Variants in DMD observed in about 807,000 individuals in gnomAD.
DMD encodes mutant dystrophin.
DMD carries 63 observed loss-of-function variants against 330.1 expected under a neutral mutation model. That is an observed-to-expected ratio of 0.19 (90% CI 0.16 to 0.24). The LOEUF is 0.24. DMD is among the 10% of genes least tolerant of loss of function. DMD has a pLI of 1.00. For missense variants in DMD, 3,344 were observed against 2,684.1 expected, an observed-to-expected ratio of 1.25 and a Z score of -5.43; for synonymous variants, 1,223 against 959.8, an observed-to-expected ratio of 1.27 and a Z score of -5.07.
intron 56 of DMD, among the ~76,000 whole-genome samples, chrX:31,506,991 A>C (rs1436648525): frequency 8.9e-6 from 1 of 111,854 alleles, no homozygotes; most frequent in East Asian, 2.8e-4. Context: ...CCAAGAGAGA[A>C]ATTTATGAAA....
intron 47 of DMD, among the ~76,000 whole-genome samples, chrX:31,913,979 T>C (rs1389065787): frequency 8.9e-6 from 1 of 112,369 alleles, no homozygotes; most frequent in East Asian, 2.8e-4. Flanking sequence ...CGTTTTATGC[T>C]CTCTTGCTTT....
intron 44 of DMD, among the ~76,000 whole-genome samples, chrX:32,051,503 T>G (rs941918937): frequency 9.1e-6 from 1 of 110,004 alleles, no homozygotes; most frequent in Non-Finnish European, 1.9e-5. Flanking sequence ...GCCTACTTTT[T>G]ATGATGTTAA....
intron 7 of DMD, among the ~76,000 whole-genome samples, chrX:32,764,646 C>T (rs967535812): frequency 8.9e-6 from 1 of 112,063 alleles, no homozygotes; most frequent in East Asian, 2.8e-4. Context: ...GAATAATATT[C>T]TACTGTATAC....
chrX:32,709,556 C>T (rs1289984241), intron 7 of DMD, among the ~76,000 whole-genome samples: 1 of 111,754 alleles, frequency 8.9e-6, no homozygotes, highest in Non-Finnish European at 1.9e-5. Context: ...ATCCCTCTTT[C>T]TCTTTCACAC....
intron 1 of DMD, among the ~76,000 whole-genome samples, chrX:33,320,013 A>T (rs1406045609): frequency 2.7e-5 from 3 of 111,905 alleles, no homozygotes; most frequent in African/African-American, 9.7e-5. Flanking sequence ...ATGGAATTTA[A>T]AAATATCCAA....
intron 2 of DMD, among the ~76,000 whole-genome samples, chrX:32,922,173 T>A (rs2146581821): frequency 9.5e-6 from 1 of 105,431 alleles, no homozygotes; most frequent in East Asian, 2.9e-4. Context: ...AGCCCTGACA[T>A]GATTTTTTTT....
chrX:32,888,463 T>C (rs1173352098), intron 2 of DMD, among the ~76,000 whole-genome samples: 1 of 111,450 alleles, frequency 9.0e-6, no homozygotes, highest in Non-Finnish European at 1.9e-5. Context: ...CAATATGCTA[T>C]CACCCCACAC....
Position 32,196,974 on chromosome X carries a change from G to A in DMD, c.6438+19942C>T, listed in dbSNP as rs111498422. 4.7e-3 allele frequency among the ~76,000 whole-genome samples: 308 copies of A among 65,811 alleles called. 2 individuals are homozygous for A. Among genetic ancestry groups the A allele is most frequent in the African/African-American group, 0.02 (298 of 14,870 alleles). 57.1% of individuals were successfully genotyped at this position (65,811 alleles called of 115,157 possible). A position where few individuals can be genotyped will look rare whatever the true frequency, so the allele number is the denominator to read the frequency against. On this transcript the variant is annotated intron_variant, in intron 44 of 78. Transcript: ENST00000357033. ...GTACTCCAGCCTGGGGTGACAGAGCGAGACTCCATCTCAAAAAAAAAAAAA... is the reference window on the plus strand; with the variant it reads ...GTACTCCAGCCTGGGGTGACAGAGCAAGACTCCATCTCAAAAAAAAAAAAA...
chrX:31,626,275 G>T (rs372704948), intron 55 of DMD, among the ~76,000 whole-genome samples: 1 of 111,612 alleles, frequency 9.0e-6, no homozygotes, highest in Non-Finnish European at 1.9e-5. Flanking sequence ...ATGAGCCACC[G>T]CATCTGGCCG....
chrX:31,856,685 T>C (rs1373624663), intron 48 of DMD, among the ~76,000 whole-genome samples: 1 of 112,471 alleles, frequency 8.9e-6, no homozygotes, highest in Non-Finnish European at 1.9e-5. Context: ...AAATAACATC[T>C]GTTCAGTTTT....
At chrX:33,161,571 G>A (rs1420183671) in intron 1 of DMD, among the ~76,000 whole-genome samples, 2 of 110,700 alleles carry the variant, frequency 1.8e-5, no homozygotes, top group Non-Finnish European at 3.8e-5. Context: ...ACCAGGAATC[G>A]AGCCCACCTT....
intron 37 of DMD, among the ~76,000 whole-genome samples, chrX:32,362,370 G>C (rs757433182): frequency 8.9e-6 from 1 of 111,892 alleles, no homozygotes; most frequent in Middle Eastern, 4.7e-3. Flanking sequence ...AAGCAATATT[G>C]TATCAGTACT....
chrX:31,759,539 G>A (rs948009663), intron 51 of DMD, among the ~76,000 whole-genome samples: 5 of 111,280 alleles, frequency 4.5e-5, no homozygotes, highest in Non-Finnish European at 7.6e-5. Context: ...CACTATCAAC[G>A]AATAGGACAA....
Position 32,787,286 on chromosome X carries a change from A to T in DMD, c.649+22207T>A, listed in dbSNP as rs762503668. Among the ~76,000 whole-genome samples the T allele has an allele frequency of 2.9e-5, 3 of 103,103 alleles. No homozygotes were observed. The South Asian group carries it at 1.3e-3, about 45-fold the overall frequency. The allele number at this position is 103,103 out of a possible 115,157, so 89.5% of individuals were successfully genotyped here. A position where few individuals can be genotyped will look rare whatever the true frequency, so the allele number is the denominator to read the frequency against. ...AGAGAGAGAGAGAAAGAGAGAGAGA[A>T]CCACTCTGAGGAATTTAAGATATAG... On this transcript the variant is annotated intron_variant, in intron 7 of 78. Transcript: ENST00000357033.
At chrX:32,573,915 G>A in intron 13 of DMD, 69 bp from the exon 14 acceptor site, 1 of 953,868 alleles carries the variant, frequency 1.0e-6, no homozygotes, top group Non-Finnish European at 1.5e-6. Context: ...AAAATGGCAT[G>A]AATAATTTGC....
At chrX:32,113,512 C>T (rs1018504531) in intron 44 of DMD, among the ~76,000 whole-genome samples, 3 of 111,620 alleles carry the variant, frequency 2.7e-5, no homozygotes, top group African/African-American at 6.5e-5. Flanking sequence ...TTCAGGGCCT[C>T]GATTTCGTTC....
Position 33,128,744 on chromosome X carries a change from C to A in DMD, c.31+82538G>T, listed in dbSNP as rs45622536. On this transcript the variant is annotated intron_variant, in intron 1 of 78. Coordinates refer to ENST00000357033, the MANE Select transcript of DMD (RefSeq NM_004006.3). The stretch of plus-strand genomic sequence containing the variant: ...AGAAGAGACTGGACCTATAAAGTTG[C>A]GCACCTGTGTGATGCTAGGAGAAGA... 0.019 allele frequency among the ~76,000 whole-genome samples: 2,151 copies of A among 111,976 alleles called. 53 individuals carry two copies. Among genetic ancestry groups the A allele is most frequent in the African/African-American group, 0.067 (2,058 of 30,819 alleles).
At chrX:33,158,053 C>T (rs190472108) in intron 1 of DMD, among the ~76,000 whole-genome samples, 1 of 111,955 alleles carries the variant, frequency 8.9e-6, no homozygotes, top group African/African-American at 3.2e-5. Flanking sequence ...TATGAAAGTA[C>T]ACAGAAATCA....
chrX:32,649,640 T>C (rs955173220), intron 9 of DMD, among the ~76,000 whole-genome samples: 4 of 108,404 alleles, frequency 3.7e-5, no homozygotes, highest in African/African-American at 6.8e-5. Flanking sequence ...ATGACTGTTT[T>C]AGTCCAGCAA....
Sources: allele counts gnomAD v4.1 joint callset (sites outside exome capture counted in the v4.1 genomes callset), GRCh38; gene constraint gnomAD v4.1.1; transcripts MANE v1.5; gene names NCBI Gene and HGNC (gene_info 2026-07-23, HGNC 2026-07-21).